DIS3L2: variants seen among roughly 807,000 people sequenced by gnomAD.
DIS3L2 encodes DIS3 like 3'-5' exoribonuclease 2, also known as DIS3-like exonuclease 2.
In DIS3L2, 34 loss-of-function variants were observed where a neutral mutation model predicts 97.5. The ratio of observed to expected loss-of-function variants is 0.35; its 90% confidence interval spans 0.27 to 0.46. The LOEUF (loss-of-function observed/expected upper bound fraction) is 0.46, where lower values mean the gene tolerates loss of function less well. Among genes scored for constraint, DIS3L2 ranks in the 20% least tolerant of loss-of-function variants. DIS3L2 has a pLI of 1.00. For missense variants in DIS3L2, 1,038 were observed against 1,146.0 expected (o/e 0.91, Z 1.36); for synonymous variants, 435 against 445.2 (o/e 0.98, Z 0.29).
chr2:232,078,307 G>A (rs997837073), intron 5 of DIS3L2, among the ~76,000 whole-genome samples: 4 of 152,156 alleles, frequency 2.6e-5, no homozygotes, highest in African/African-American at 9.7e-5. Context: ...GCCTTCCAAA[G>A]TGCTGGGATA....
rs531581236 is a variant in DIS3L2 at position 232,293,571 on chromosome 2, C to T, written c.1660-6469C>T. 1.2e-4 allele frequency among the ~76,000 whole-genome samples: 18 copies of T among 152,284 alleles called. 2 individuals carry two copies. Among genetic ancestry groups the T allele is most frequent in the African/African-American group, 3.9e-4 (16 of 41,558 alleles). On this transcript the variant is annotated intron_variant, in intron 13 of 20. Coordinates refer to ENST00000325385, the MANE Select transcript of DIS3L2 (RefSeq NM_152383.5). This position sits in a 1 kb window ranked among gnomAD's most constrained non-coding sequence, Gnocchi z 4.6. ...CTGAACCCCTCAGGGAAGTGGACCG[C>T]GTCGGGGAGTGCATGGAGCTCTGCA...
At chr2:232,063,796 T>C (rs1695779053) in intron 5 of DIS3L2, among the ~76,000 whole-genome samples, 1 of 152,132 alleles carries the variant, frequency 6.6e-6, no homozygotes, top group Non-Finnish European at 1.5e-5. Flanking sequence ...ACTAGCGATG[T>C]GGTTTTCGAA....
At chr2:232,284,257 A>G (rs1417583295) in intron 13 of DIS3L2, among the ~76,000 whole-genome samples, 1 of 152,104 alleles carries the variant, frequency 6.6e-6, no homozygotes, top group African/African-American at 2.4e-5. Context: ...CTCTCGACTT[A>G]TGGGAAAGCA....
intron 6 of DIS3L2, among the ~76,000 whole-genome samples, chr2:232,124,996 G>A (rs1466032435): frequency 6.6e-6 from 1 of 152,138 alleles, no homozygotes; most frequent in Non-Finnish European, 1.5e-5. Context: ...GTCATATGAG[G>A]CGTTTCATGG....
intron 6 of DIS3L2, among the ~76,000 whole-genome samples, chr2:232,099,089 CT>C (rs1161620835): frequency 1.3e-5 from 2 of 152,164 alleles, no homozygotes; most frequent in African/African-American, 4.8e-5. Context: ...TGGTTTCTCT[CT>C]TCTAAGTCTA....
intron 6 of DIS3L2, among the ~76,000 whole-genome samples, chr2:232,117,647 A>T (rs911092352): frequency 6.6e-6 from 1 of 151,846 alleles, no homozygotes; most frequent in African/African-American, 2.4e-5. Flanking sequence ...TGCCTCTCCA[A>T]CCTTTGCTCT....
At chr2:232,190,129 A>T (rs1424242017) in intron 9 of DIS3L2, among the ~76,000 whole-genome samples, 5 of 152,154 alleles carry the variant, frequency 3.3e-5, no homozygotes, top group Admixed American at 3.3e-4. Flanking sequence ...GGAGTTCGAG[A>T]CCAGCCTGGG....
chr2:232,073,611 A>G (rs529470725), intron 5 of DIS3L2, among the ~76,000 whole-genome samples: 4 of 152,268 alleles, frequency 2.6e-5, no homozygotes, highest in South Asian at 4.1e-4. Flanking sequence ...GGTTTTTTCT[A>G]TATCAGTAAA....
At chr2:232,033,578 G>T (rs1342073518) in intron 5 of DIS3L2, among the ~76,000 whole-genome samples, 1 of 152,162 alleles carries the variant, frequency 6.6e-6, no homozygotes, top group Non-Finnish European at 1.5e-5. Context: ...TCCAGCTTTT[G>T]CCCATTCAGT....
At chr2:232,018,858 A>G (rs1029665100) in intron 3 of DIS3L2, among the ~76,000 whole-genome samples, 8 of 152,192 alleles carry the variant, frequency 5.3e-5, no homozygotes, top group Non-Finnish European at 8.8e-5. Context: ...ACACATGGTC[A>G]TGTACATGTA....
At chr2:232,120,865 C>G (rs935035463) in intron 6 of DIS3L2, among the ~76,000 whole-genome samples, 3 of 152,086 alleles carry the variant, frequency 2.0e-5, no homozygotes, top group Non-Finnish European at 4.4e-5. Context: ...GGAGTTAACC[C>G]TTCCCCTGGG....
intron 1 of DIS3L2, among the ~76,000 whole-genome samples, chr2:231,998,167 T>C (rs1041363545): frequency 6.6e-6 from 1 of 152,172 alleles, no homozygotes; most frequent in African/African-American, 2.4e-5. Flanking sequence ...CTGGGTAATT[T>C]AAGGAAATTT....
At chr2:232,244,715 G>A (rs1574968510) in intron 11 of DIS3L2, among the ~76,000 whole-genome samples, 1 of 152,218 alleles carries the variant, frequency 6.6e-6, no homozygotes, top group Non-Finnish European at 1.5e-5. Context: ...AGTTTTCTCT[G>A]TGAAGAAGAG....
At chr2:232,329,785 T>TGCCGGGGGCCCCCCC in intron 14 of DIS3L2, 28 bp from the exon 15 acceptor site, 1 of 967,144 alleles carries the variant, frequency 1.0e-6, no homozygotes, top group East Asian at 3.1e-5. Flanking sequence ...ACCCCAGCGG[T>TGCCGGGGGCCCCCCC]CCCTCCCATC....
In DIS3L2 at chr2:232,086,297, A is replaced by G. The variant is rs539271483; in HGVS notation, c.367-1190A>G. Among the ~76,000 whole-genome samples the G allele has an allele frequency of 1.8e-3, 259 of 147,908 alleles. 2 individuals carry two copies. Among genetic ancestry groups the G allele is most frequent in the South Asian group, 0.015 (69 of 4,736 alleles). Reference sequence around the variant, plus strand: ...TATACATATACGTATATATGTATACATATATACATATGTATATGTATATGC... The same window carrying G: ...TATACATATACGTATATATGTATACGTATATACATATGTATATGTATATGC... On this transcript the variant is annotated intron_variant, in intron 5 of 20. Transcript: ENST00000325385.
In DIS3L2 at chr2:232,163,496, G is replaced by A; in HGVS notation, c.988G>A (p.Glu330Lys). 6.2e-7 allele frequency: 1 copy of A among 1,614,088 alleles called. No homozygotes were observed. Among genetic ancestry groups the A allele is most frequent in the Non-Finnish European group, 8.5e-7 (1 of 1,179,990 alleles). The stretch of plus-strand genomic sequence containing the variant: ...GAGTCTTGGGCAGGCTGGTGAAATT[G>A]AGCCTGAAACAGAAGGAATACTAAC... ...AKSLGQAGEIEPETEGILTEY... is the reference protein window; with the variant it reads ...AKSLGQAGEIKPETEGILTEY... The change falls in exon 9 of 21, where the codon GAG becomes AAG. Residue 330 changes from glutamate (E) to lysine (K), a missense_variant. By Grantham distance (56) the Glu-to-Lys change is moderately conservative. This residue lies in a region of DIS3L2 where 813 missense variants were observed against 880.1 expected (regional missense o/e 0.92). Coordinates refer to ENST00000325385, the MANE Select transcript of DIS3L2 (RefSeq NM_152383.5).
intron 5 of DIS3L2, among the ~76,000 whole-genome samples, chr2:232,070,587 CTTTTT>C (rs112525730): frequency 7.2e-6 from 1 of 139,640 alleles, no homozygotes. Flanking sequence ...GGTTATGGTT[CTTTTT>C]TTTTTTTTTT....
chr2:232,034,434 T>A (rs11683347), intron 5 of DIS3L2, among the ~76,000 whole-genome samples: 1,715 of 149,686 alleles, frequency 0.011, 19 homozygotes, highest in Non-Finnish European at 0.016. Context: ...GACTCATTGA[T>A]TTTTTTGAAT....
chr2:232,042,703 G>C (rs1032980715), intron 5 of DIS3L2, among the ~76,000 whole-genome samples: 2 of 152,174 alleles, frequency 1.3e-5, no homozygotes, highest in Admixed American at 1.3e-4. Context: ...TGAAATGTCT[G>C]AAATAAGGAG....
Sources: gnomAD v4.1 joint callset for allele counts (sites outside exome capture counted in the v4.1 genomes callset) on GRCh38, gnomAD v4.1.1 for gene constraint, gnomAD v4.1.1 regional missense constraint, Gnocchi (gnomAD v3.1) non-coding constraint, MANE v1.5 for transcripts, NCBI Gene and HGNC (gene_info 2026-07-23, HGNC 2026-07-21) for gene names.